The following PGM2 variants were observed in gnomAD, a reference collection of about 807,000 sequenced individuals.
PGM2 encodes the protein phosphopentomutase.
Under a neutral mutation model 74.6 loss-of-function variants are expected in PGM2, and 57 were observed. That is an observed-to-expected ratio of 0.76 (90% confidence interval 0.62 to 0.95). The LOEUF (loss-of-function observed/expected upper bound fraction) is 0.95, where lower values mean the gene tolerates loss of function less well. PGM2 is among the 40% of genes least tolerant of loss of function. The pLI is 0.00. For missense variants in PGM2, 706 were observed against 741.9 expected (o/e 0.95, Z 0.56); for synonymous variants, 273 against 260.7 (o/e 1.05, Z -0.46).
intron 13 of PGM2, among the ~76,000 whole-genome samples, chr4:37,860,023 C>G (rs1207908413): frequency 1.3e-5 from 2 of 152,126 alleles, no homozygotes; most frequent in Admixed American, 1.3e-4. Context: ...TACCACTAAA[C>G]CTTACACGGT....
intron 2 of PGM2, 143 bp downstream of exon 2, chr4:37,830,274 T>G: frequency 1.8e-6 from 1 of 548,698 alleles, no homozygotes; most frequent in Non-Finnish European, 3.1e-6. Flanking sequence ...CTCCATAAAG[T>G]AAGGCTTGCA....
chr4:37,862,222 A>G lies in PGM2; in HGVS notation c.*610A>G, dbSNP rs1711802004. On this transcript the variant is annotated 3_prime_UTR_variant, in exon 14 of 14. Transcript: ENST00000381967. ...AATAATGCACATAGGATATTAGTAC[A>G]TCGTACACGTGCTAGGAAAAAACAG... 2 of 152,192 alleles carry G rather than the reference A, an allele frequency of 1.3e-5. No individual in the cohort carries two copies. Among genetic ancestry groups the G allele is most frequent in the South Asian group, 2.1e-4 (1 of 4,828 alleles). 9.4% of individuals were successfully genotyped at this position (152,192 alleles called of 1,614,324 possible).
chr4:37,861,655 G>A lies in PGM2; in HGVS notation c.*43G>A, dbSNP rs1711780014. 1 of 1,255,424 alleles carries A rather than the reference G, an allele frequency of 8.0e-7. No individual in the cohort carries two copies. The highest frequency in any genetic ancestry group is 1.2e-6 in the Non-Finnish European group (1 of 853,180). The allele number at this position is 1,255,424 out of a possible 1,614,324, so 77.8% of individuals were successfully genotyped here. Reference sequence around the variant, plus strand: ...TATACTTGCATTTACCTACAATTAAGCTGGGTTTAACTTGTTAAGCAATAT... The same window carrying A: ...TATACTTGCATTTACCTACAATTAAACTGGGTTTAACTTGTTAAGCAATAT... On this transcript the variant is annotated 3_prime_UTR_variant, in exon 14 of 14. Coordinates refer to ENST00000381967, the MANE Select transcript of PGM2 (RefSeq NM_018290.4).
intron 1 of PGM2, among the ~76,000 whole-genome samples, chr4:37,827,569 G>A (rs1001004600): frequency 1.2e-4 from 18 of 151,996 alleles, no homozygotes; most frequent in Non-Finnish European, 2.6e-4. Flanking sequence ...CTCATATTTT[G>A]TGCCTGAACT....
chr4:37,836,514 G>A (rs76855594), intron 3 of PGM2, among the ~76,000 whole-genome samples: 106 of 152,268 alleles, frequency 7.0e-4, no homozygotes, highest in Non-Finnish European at 1.5e-3. Flanking sequence ...TGCAGAGAAC[G>A]CATTGCATTT....
chr4:37,844,375 G>A lies in PGM2; in HGVS notation c.731G>A (p.Arg244Lys). ...GTATCTGATTCTAGGAGCGTGAACA[G>A]GGAGACAAAGGTGAAGTTTGTGCAC... is the stretch of plus-strand genomic sequence containing the variant. ...KKYCFHRSVN[R>K]ETKVKFVHTS... The change falls in exon 7 of 14, where the codon AGG becomes AAG. Residue 244 changes from arginine to lysine, a missense_variant. By Grantham distance (26) the Arg-to-Lys change is conservative (BLOSUM62 2). Transcript: ENST00000381967. The A allele has an allele frequency of 6.2e-7, 1 of 1,607,214 alleles. No individual in the cohort carries two copies. Among genetic ancestry groups the A allele is most frequent in the Non-Finnish European group, 8.5e-7 (1 of 1,176,566 alleles).
At chr4:37,827,215 C>G (rs2152173435) in intron 1 of PGM2, among the ~76,000 whole-genome samples, 1 of 152,378 alleles carries the variant, frequency 6.6e-6, no homozygotes, top group South Asian at 2.1e-4. Flanking sequence ...ATCGCTCCGT[C>G]CCGCGTATTC....
chr4:37,858,304 C>T lies in PGM2; in HGVS notation c.1736+2563C>T, dbSNP rs187752580. 3.3e-5 allele frequency among the ~76,000 whole-genome samples: 5 copies of T among 151,984 alleles called. No homozygotes were observed. The East Asian group carries it at 9.7e-4, about 29-fold the overall frequency. On this transcript the variant is annotated intron_variant, in intron 13 of 13. Coordinates refer to ENST00000381967, the MANE Select transcript of PGM2 (RefSeq NM_018290.4). ...ACGGCTTAAGCAAGGCACCAGCATA[C>T]CTAACGTACAACAGCAATAAAGTTT... is the stretch of plus-strand genomic sequence containing the variant.
intron 2 of PGM2, among the ~76,000 whole-genome samples, chr4:37,830,779 A>G (rs984520275): frequency 2.6e-5 from 4 of 152,224 alleles, no homozygotes; most frequent in Non-Finnish European, 5.9e-5. Context: ...GGGAAAAGAA[A>G]GGCTAGAAAA....
chr4:37,833,903 T>C (rs1416366391), intron 2 of PGM2, among the ~76,000 whole-genome samples: 2 of 132,526 alleles, frequency 1.5e-5, no homozygotes, highest in East Asian at 5.4e-4. Context: ...AATTCTCAGA[T>C]TGTGCTTCTA....
At chr4:37,851,239 A>G (rs1726031677) in intron 12 of PGM2, among the ~76,000 whole-genome samples, 1 of 152,200 alleles carries the variant, frequency 6.6e-6, no homozygotes, top group Admixed American at 6.5e-5. Flanking sequence ...CCACACCTGG[A>G]CTTTCCGATT....
rs746584750 is a variant in PGM2 at position 37,826,719 on chromosome 4, G to A, written c.-14G>A. ...CCGCCTGCTTCCCTCTGCAGCGGTA[G>A]CACAAGCTCAGCGATGGCGGCTCCA... On this transcript the variant is annotated 5_prime_UTR_variant, in exon 1 of 14. Transcript: ENST00000381967. 8.4e-6 allele frequency: 13 copies of A among 1,547,370 alleles called. No homozygotes were observed. In the South Asian group the frequency reaches 1.5e-4, roughly 18 times the overall value.
chr4:37,850,037 C>T (rs1210492664), intron 11 of PGM2, 147 bp from the exon 12 acceptor site: 3 of 522,104 alleles, frequency 5.7e-6, no homozygotes, highest in Non-Finnish European at 9.9e-6. Context: ...ATCTGCCCGC[C>T]TCGGCCTCAC....
rs563376389 is a variant in PGM2, at chr4:37,861,747, A to G, written c.*135A>G. 11 of 522,424 alleles carry G rather than the reference A, an allele frequency of 2.1e-5. 1 individual carries two copies. In the South Asian group the frequency reaches 3.3e-4, roughly 15 times the overall value. 32.4% of individuals were successfully genotyped at this position (522,424 alleles called of 1,614,324 possible). ...TGTTTTACAAAGACCTACATTCCTC[A>G]TTGTTTCATGTTTGACCTTTAAGGT... On this transcript the variant is annotated 3_prime_UTR_variant, in exon 14 of 14. Transcript: ENST00000381967.
chr4:37,837,155 C>T (rs938261571), intron 3 of PGM2, among the ~76,000 whole-genome samples: 26 of 152,118 alleles, frequency 1.7e-4, no homozygotes, highest in Non-Finnish European at 3.1e-4. Context: ...AAAAATGTTT[C>T]GAGACATTTC....
chr4:37,847,102 T>C lies in PGM2; in HGVS notation c.1179T>C (p.Phe393=). 6.2e-7 allele frequency: 1 copy of C among 1,613,092 alleles called. No individual in the cohort carries two copies. The highest frequency in any genetic ancestry group is 8.5e-7 in the Non-Finnish European group (1 of 1,179,242). The change falls in exon 9 of 14, where the codon TTT becomes TTC. Residue 393 remains phenylalanine, a synonymous_variant. Coordinates refer to ENST00000381967, the MANE Select transcript of PGM2 (RefSeq NM_018290.4). ...GGGCCATTGCCTTAAAGGAAGGTTT[T>C]CATTTTGAGGTAGGGTGTTTCTGGG... ...ILRAIALKEG[F]HFEETLTGFK... is the part of the protein sequence containing the mutation.
chr4:37,862,757 A>G lies in PGM2; in HGVS notation c.*1145A>G, dbSNP rs553306117. 24 of 152,104 alleles carry G rather than the reference A, an allele frequency of 1.6e-4. No homozygotes were observed. The highest frequency in any genetic ancestry group is 2.8e-4 in the Non-Finnish European group (19 of 68,016). 9.4% of individuals were successfully genotyped at this position (152,104 alleles called of 1,614,324 possible). ...CAATGAAAAATTACAATACTATGTG[A>G]TAGTATTGTAACTATTTTTCTATTT... On this transcript the variant is annotated 3_prime_UTR_variant, in exon 14 of 14. Coordinates refer to ENST00000381967, the MANE Select transcript of PGM2 (RefSeq NM_018290.4).
In PGM2 at chr4:37,840,124, C is replaced by T. The variant is rs1725668703; in HGVS notation, c.584C>T (p.Ala195Val). Residue 195 changes from alanine (A) to valine (V), a missense_variant, in exon 6 of 14, where the codon GCT becomes GTT. Ala to Val is a moderately conservative substitution (Grantham distance 64, BLOSUM62 0). Coordinates refer to ENST00000381967, the MANE Select transcript of PGM2 (RefSeq NM_018290.4). ...CCTCACGATAAAGGGATTTCTCAAG[C>T]TATTGAAGAAAATCTAGAACCGTGG... is the stretch of plus-strand genomic sequence containing the variant. ...ISPHDKGISQ[A>V]IEENLEPWPQ... 1.2e-6 allele frequency: 2 copies of T among 1,613,796 alleles called. No homozygotes were observed. Among genetic ancestry groups the T allele is most frequent in the Non-Finnish European group, 8.5e-7 (1 of 1,179,744 alleles).
intron 13 of PGM2, among the ~76,000 whole-genome samples, chr4:37,857,831 CT>C (rs1388664297): frequency 3.3e-5 from 5 of 152,156 alleles, no homozygotes; most frequent in Non-Finnish European, 5.9e-5. Flanking sequence ...ATGCAAGAAT[CT>C]TGTTTTCGTG....
Sources: gnomAD v4.1 joint callset for allele counts (sites outside exome capture counted in the v4.1 genomes callset) on GRCh38, gnomAD v4.1.1 for gene constraint, MANE v1.5 for transcripts, NCBI Gene and HGNC (gene_info 2026-07-23, HGNC 2026-07-21) for gene names.